ZNF619: variants seen among roughly 807,000 people sequenced by gnomAD.
ZNF619 encodes the protein zinc finger protein 619.
A neutral mutation model predicts 14.2 loss-of-function variants in ZNF619; 9 were observed. The observed-to-expected ratio is 0.64, with a 90% CI of 0.38 to 1.11. The LOEUF (loss-of-function observed/expected upper bound fraction) is 1.11, where lower values mean the gene tolerates loss of function less well. Among genes scored for constraint, ZNF619 ranks in the 50% least tolerant of loss-of-function variants. ZNF619 has a pLI of 0.01. For missense variants in ZNF619, 659 were observed against 680.1 expected, an observed-to-expected ratio of 0.97 and a Z score of 0.34; for synonymous variants, 246 against 252.8, an observed-to-expected ratio of 0.97 and a Z score of 0.26.
At chr3:40,485,999 GTGA>G (rs1158735027) in intron 4 of ZNF619, among the ~76,000 whole-genome samples, 1 of 152,188 alleles carries the variant, frequency 6.6e-6, no homozygotes, top group Admixed American at 6.5e-5. Context: ...AGCCAGGCTT[GTGA>G]TAGAGAACTA....
In ZNF619 at chr3:40,480,521, C is replaced by T. The variant is rs748619613; in HGVS notation, c.25-1342C>T. On this transcript the variant is annotated intron_variant, in intron 2 of 4. Coordinates refer to ENST00000432264, the MANE Select transcript of ZNF619 (RefSeq NM_001145093.4). ...GTACTTTTTTTTTTTTTTTTTGAGACGGAGTCTTGCTCTGTCGCCCAGGCT... is the reference window on the plus strand; with the variant it reads ...GTACTTTTTTTTTTTTTTTTTGAGATGGAGTCTTGCTCTGTCGCCCAGGCT... 2.0e-4 allele frequency among the ~76,000 whole-genome samples: 25 copies of T among 122,500 alleles called. No individual in the cohort carries two copies. In the East Asian group the frequency reaches 2.9e-3, roughly 14 times the overall value. The allele number at this position is 122,500 out of a possible 152,430, so 80.4% of individuals were successfully genotyped here. A position where few individuals can be genotyped will look rare whatever the true frequency, so the allele number is the denominator to read the frequency against.
At position 40,488,235 on chromosome 3, in the gene ZNF619, C is replaced by G. The variant is rs137952742; in HGVS notation, c.1725C>G (p.Ser575=). 14 of 1,492,730 alleles carry G rather than the reference C, an allele frequency of 9.4e-6. No homozygotes were observed. In the African/African-American group the frequency reaches 1.7e-4, roughly 18 times the overall value. 92.5% of individuals were successfully genotyped at this position (1,492,730 alleles called of 1,614,324 possible). ...SLQSPNPLSH[S]L is the part of the protein sequence containing the mutation. Reference sequence around the variant, plus strand: ...AGAGCCCGAATCCTTTGTCTCACTCCCTGTAAGCCCCGTCACGTTCTCAAA... The same window carrying G: ...AGAGCCCGAATCCTTTGTCTCACTCGCTGTAAGCCCCGTCACGTTCTCAAA... Residue 575 remains serine, a synonymous_variant, in exon 5 of 5, where the codon TCC becomes TCG. Transcript: ENST00000432264.
At chr3:40,483,571 G>A (rs1697478116) in intron 4 of ZNF619, 3 of 440,418 alleles carry the variant, frequency 6.8e-6, no homozygotes, top group Admixed American at 2.4e-5. Context: ...GATTACAGGT[G>A]TGAGGCACCA....
chr3:40,478,053 G>T, intron 2 of ZNF619, 50 bp downstream of exon 2: 1 of 1,529,276 alleles, frequency 6.5e-7, no homozygotes, highest in Non-Finnish European at 8.9e-7. Context: ...GATATGGAAG[G>T]TCAGTACAGC....
chr3:40,484,471 T>C (rs538603759), intron 4 of ZNF619, among the ~76,000 whole-genome samples: 7 of 152,340 alleles, frequency 4.6e-5, no homozygotes, highest in African/African-American at 1.7e-4. Flanking sequence ...ATTCTGTCAA[T>C]CTTTTATGCT....
chr3:40,484,297 A>G (rs1697509584), intron 4 of ZNF619, among the ~76,000 whole-genome samples: 1 of 152,204 alleles, frequency 6.6e-6, no homozygotes, highest in Admixed American at 6.5e-5. Flanking sequence ...GAATTTTTCT[A>G]AGTTCATAAA....
intron 4 of ZNF619, among the ~76,000 whole-genome samples, chr3:40,485,302 ATT>A (rs5848567): frequency 4.9e-5 from 7 of 142,964 alleles, no homozygotes; most frequent in Admixed American, 1.4e-4. Flanking sequence ...TGAATGCATC[ATT>A]TTTTTTTTTT....
Position 40,487,665 on chromosome 3 carries a change from G to T in ZNF619, c.1155G>T (p.Ser385=). 3.7e-6 allele frequency: 6 copies of T among 1,613,482 alleles called. No individual in the cohort carries two copies. Among genetic ancestry groups the T allele is most frequent in the Non-Finnish European group, 5.1e-6 (6 of 1,179,870 alleles). ...KECGKAFHRS[S]VFLQHQRFHT... is the part of the protein sequence containing the mutation. Reference sequence around the variant, plus strand: ...GTGGCAAGGCCTTCCACCGCAGTTCGGTATTTCTTCAGCACCAGAGGTTCC... The same window carrying T: ...GTGGCAAGGCCTTCCACCGCAGTTCTGTATTTCTTCAGCACCAGAGGTTCC... Residue 385 remains serine (S), a synonymous_variant, in exon 5 of 5, where the codon TCG becomes TCT. Coordinates refer to ENST00000432264, the MANE Select transcript of ZNF619 (RefSeq NM_001145093.4).
chr3:40,480,940 A>C (rs1174071942), intron 2 of ZNF619, among the ~76,000 whole-genome samples: 1 of 152,210 alleles, frequency 6.6e-6, no homozygotes, highest in African/African-American at 2.4e-5. Flanking sequence ...ATTTATATAA[A>C]AGTGGTCAGT....
intron 2 of ZNF619, among the ~76,000 whole-genome samples, chr3:40,478,666 G>A (rs1275309490): frequency 1.1e-4 from 16 of 151,920 alleles, no homozygotes; most frequent in Admixed American, 1.1e-3. Context: ...GCATTGGGAG[G>A]ACTTTTCCCT....
chr3:40,481,858 T>G lies in ZNF619; in HGVS notation c.25-5T>G. 1.3e-6 allele frequency: 2 copies of G among 1,598,988 alleles called. No homozygotes were observed. The highest frequency in any genetic ancestry group is 1.7e-6 in the Non-Finnish European group (2 of 1,174,504). ...ATTCAGGCCTCTCCCTCTGTTCTTG[T>G]GCAGGGCTTGGGCAGGAACCTGTTG... On this transcript the variant is annotated splice_region_variant and splice_polypyrimidine_tract_variant and intron_variant, in intron 2 of 4. Transcript: ENST00000432264.
At chr3:40,478,837 A>T (rs1234119964) in intron 2 of ZNF619, among the ~76,000 whole-genome samples, 2 of 152,100 alleles carry the variant, frequency 1.3e-5, no homozygotes, top group Admixed American at 6.6e-5. Context: ...TTTGGTGGAT[A>T]TTGGACCATC....
intron 4 of ZNF619, 122 bp from the exon 5 acceptor site, chr3:40,486,684 A>G (rs1697588993): frequency 1.5e-6 from 1 of 665,088 alleles, no homozygotes; most frequent in East Asian, 2.8e-5. Context: ...CTGGGCAACA[A>G]GAGTGAAACT....
Position 40,488,101 on chromosome 3 carries a change from T to G in ZNF619, c.1591T>G (p.Ser531Ala). 1 of 1,614,230 alleles carries G rather than the reference T, an allele frequency of 6.2e-7. No individual in the cohort carries two copies. The highest frequency in any genetic ancestry group is 8.5e-7 in the Non-Finnish European group (1 of 1,180,034). The change falls in exon 5 of 5, where the codon TCT (serine) becomes GCT (alanine). Residue 531 changes from serine to alanine, a missense_variant. Coordinates refer to ENST00000432264, the MANE Select transcript of ZNF619 (RefSeq NM_001145093.4). ...SSSHAVVLPPSVPFFLLLPSS... is the reference protein window; with the variant it reads ...SSSHAVVLPPAVPFFLLLPSS... ...TTCACATGCAGTGGTACTTCCTCCC[T>G]CTGTGCCTTTCTTCCTGCTGCTTCC...
rs1443298230 is a variant in ZNF619, at chr3:40,489,840, T to C, written c.*1599T>C. The C allele has an allele frequency of 6.6e-6, 1 of 152,222 alleles. No homozygotes were observed. Among genetic ancestry groups the C allele is most frequent in the East Asian group, 1.9e-4 (1 of 5,198 alleles). The allele number at this position is 152,222 out of a possible 1,614,324, so 9.4% of individuals were successfully genotyped here. A position where few individuals can be genotyped will look rare whatever the true frequency, so the allele number is the denominator to read the frequency against. On this transcript the variant is annotated 3_prime_UTR_variant, in exon 5 of 5. Coordinates refer to ENST00000432264, the MANE Select transcript of ZNF619 (RefSeq NM_001145093.4). ...AGATTTCCCTATGATTAAATCTGAA[T>C]TTTATTGGTGGCACTTTTAAATTAG... is the stretch of plus-strand genomic sequence containing the variant.
rs764070183 is a variant in ZNF619 at position 40,487,999 on chromosome 3, C to T, written c.1489C>T (p.Pro497Ser). ...GCTATCCGCAGTTAAGCCCTACTGT[C>T]CCTGCGCCATCCTCTCTCCTCTGCC... ...TGLSAVKPYC[P>S]CAILSPLPPQ... Residue 497 changes from proline (P) to serine (S), a missense_variant, in exon 5 of 5, where the codon CCC becomes TCC. Transcript: ENST00000432264. The T allele has an allele frequency of 1.8e-5, 29 of 1,614,076 alleles. No homozygotes were observed. The highest frequency in any genetic ancestry group is 2.4e-5 in the Non-Finnish European group (28 of 1,180,026).
Position 40,487,476 on chromosome 3 carries a change from G to GAA in ZNF619, c.968_969dup (p.Ala324LysfsTer31). 2.5e-6 allele frequency: 4 copies of GAA among 1,614,102 alleles called. No individual in the cohort carries two copies. Among genetic ancestry groups the GAA allele is most frequent in the Non-Finnish European group, 3.4e-6 (4 of 1,179,992 alleles). ...AGCCCTTTAAATGTAAGGAATGTGG[G>GAA]AAAGCCTTCAGTTGTAGCTATGACT... On this transcript the variant is annotated frameshift_variant, in exon 5 of 5. Transcript: ENST00000432264. LOFTEE classifies it low-confidence loss of function (END_TRUNC).
chr3:40,478,132 A>G, intron 2 of ZNF619, 129 bp downstream of exon 2: 6 of 858,268 alleles, frequency 7.0e-6, no homozygotes, highest in Non-Finnish European at 9.0e-6. Flanking sequence ...TAAAAACAGT[A>G]TGCGAGGGGA....
Position 40,477,910 on chromosome 3 carries a change from T to C in ZNF619, c.-62-8T>C. On this transcript the variant is annotated splice_region_variant and splice_polypyrimidine_tract_variant and intron_variant, in intron 1 of 4. Transcript: ENST00000432264. ...AGACAGATCAGTCTCATTGTGGTTCTCTCTTAGCTCCGCAGGTTCTTACTT... is the reference window on the plus strand; with the variant it reads ...AGACAGATCAGTCTCATTGTGGTTCCCTCTTAGCTCCGCAGGTTCTTACTT... 6.7e-7 allele frequency: 1 copy of C among 1,482,394 alleles called. No homozygotes were observed. Among genetic ancestry groups the C allele is most frequent in the South Asian group, 1.2e-5 (1 of 82,698 alleles). The allele number at this position is 1,482,394 out of a possible 1,614,324, so 91.8% of individuals were successfully genotyped here. A position where few individuals can be genotyped will look rare whatever the true frequency, so the allele number is the denominator to read the frequency against.
Sources: gnomAD v4.1 joint callset for allele counts (sites outside exome capture counted in the v4.1 genomes callset) on GRCh38, gnomAD v4.1.1 for gene constraint, MANE v1.5 for transcripts, NCBI Gene and HGNC (gene_info 2026-07-23, HGNC 2026-07-21) for gene names.